Variants in AK5 observed in about 807,000 individuals in gnomAD.
AK5 encodes adenylate kinase isoenzyme 5.
AK5 carries 27 observed loss-of-function variants against 69.5 expected under a neutral mutation model. The observed-to-expected ratio is 0.39, with a 90% CI of 0.29 to 0.54. AK5 has a LOEUF of 0.54. Ranked by LOEUF, AK5 falls within the 20% of genes least tolerant of loss-of-function variation. AK5 has a pLI of 0.71. For missense variants in AK5, 531 were observed against 700.4 expected, an observed-to-expected ratio of 0.76 and a Z score of 2.73; for synonymous variants, 260 against 244.4, an observed-to-expected ratio of 1.06 and a Z score of -0.60.
Position 77,482,992 on chromosome 1 carries a change from TAAAAAAAAAAAAAAAAAAAAAAAAA to T in AK5, c.1060-301_1060-277del, listed in dbSNP as rs56718956. Among the ~76,000 whole-genome samples, 1,789 of 43,904 alleles carry T rather than the reference TAAAAAAAAAAAAAAAAAAAAAAAAA, an allele frequency of 0.041. 284 individuals carry two copies. In the East Asian group the frequency reaches 0.46, roughly 11 times the overall value. The allele number at this position is 43,904 out of a possible 152,430, so 28.8% of individuals were successfully genotyped here. A position where few individuals can be genotyped will look rare whatever the true frequency, so the allele number is the denominator to read the frequency against. On this transcript the variant is annotated intron_variant, in intron 8 of 13. Coordinates refer to ENST00000354567, the MANE Select transcript of AK5 (RefSeq NM_174858.3). Reference sequence around the variant, plus strand: ...CTGTCCACAGATAGTTTTTGCACTTTAAAAAAAAAAAAAAAAAAAAAAAAAAAAAAAAAAAAAAAAAAAAAAAAGA... The same window carrying T: ...CTGTCCACAGATAGTTTTTGCACTTTAAAAAAAAAAAAAAAAAAAAAAAGA...
chr1:77,309,130 G>A (rs768418558), intron 5 of AK5, among the ~76,000 whole-genome samples: 2 of 151,886 alleles, frequency 1.3e-5, no homozygotes, highest in African/African-American at 4.8e-5. Flanking sequence ...ATGCATGTGG[G>A]GCTTAATACC....
intron 8 of AK5, among the ~76,000 whole-genome samples, chr1:77,434,675 G>A (rs1302957006): frequency 6.6e-6 from 1 of 152,104 alleles, no homozygotes; most frequent in African/African-American, 2.4e-5. Context: ...GTGAAGCACA[G>A]GAACTTACAA....
intron 2 of AK5, among the ~76,000 whole-genome samples, chr1:77,291,128 A>G (rs1658662945): frequency 6.6e-6 from 1 of 152,192 alleles, no homozygotes; most frequent in African/African-American, 2.4e-5. Context: ...AAGAGGCTGT[A>G]ATTTGGTCAG....
intron 6 of AK5, among the ~76,000 whole-genome samples, chr1:77,391,775 T>G (rs1648506497): frequency 6.6e-6 from 1 of 152,060 alleles, no homozygotes; most frequent in African/African-American, 2.4e-5. Flanking sequence ...GAGATGGATG[T>G]TTTCCAGAGC....
chr1:77,461,909 AT>A (rs942347386), intron 8 of AK5, among the ~76,000 whole-genome samples: 4 of 152,240 alleles, frequency 2.6e-5, no homozygotes, highest in African/African-American at 7.2e-5. Flanking sequence ...GAGATGATAT[AT>A]TTGTTAATTA....
intron 6 of AK5, among the ~76,000 whole-genome samples, chr1:77,348,509 T>TTA (rs952798398): frequency 4.8e-5 from 7 of 145,286 alleles, no homozygotes; most frequent in African/African-American, 1.9e-4. Flanking sequence ...TAAAGTATAA[T>TTA]AAAAAAAAAA....
At chr1:77,502,604 A>G (rs1436063997) in intron 10 of AK5, among the ~76,000 whole-genome samples, 3 of 152,172 alleles carry the variant, frequency 2.0e-5, no homozygotes, top group Non-Finnish European at 2.9e-5. Context: ...ATCCAGGAAA[A>G]GTGGATTTGG....
chr1:77,535,627 A>G (rs1234750526), intron 12 of AK5, among the ~76,000 whole-genome samples: 3 of 152,154 alleles, frequency 2.0e-5, no homozygotes, highest in Non-Finnish European at 4.4e-5. Context: ...GAGGTGGCCT[A>G]AAAGCTGAGG....
At chr1:77,558,495 T>C (rs963113915) in intron 13 of AK5, 107 bp from the exon 14 acceptor site, 137 of 695,204 alleles carry the variant, frequency 2.0e-4, no homozygotes, top group Non-Finnish European at 3.7e-5. Context: ...GTCTTGTGTT[T>C]TAAAATTTTG....
At chr1:77,437,645 G>A (rs1652034388) in intron 8 of AK5, among the ~76,000 whole-genome samples, 1 of 152,140 alleles carries the variant, frequency 6.6e-6, no homozygotes, top group South Asian at 2.1e-4. Context: ...ATTTTAGATA[G>A]CACCAACTAA....
intron 9 of AK5, among the ~76,000 whole-genome samples, chr1:77,485,384 A>G (rs1223425132): frequency 2.0e-5 from 3 of 152,194 alleles, no homozygotes; most frequent in Non-Finnish European, 4.4e-5. Context: ...GTGAATTCCT[A>G]CAAAATGTGG....
chr1:77,427,909 A>T (rs1024081567), intron 8 of AK5, among the ~76,000 whole-genome samples: 1 of 152,226 alleles, frequency 6.6e-6, no homozygotes, highest in African/African-American at 2.4e-5. Flanking sequence ...GAAGGAATAA[A>T]TAAAAGTGTC....
chr1:77,517,411 G>T (rs1335542303), intron 10 of AK5, among the ~76,000 whole-genome samples: 1 of 152,206 alleles, frequency 6.6e-6, no homozygotes, highest in Admixed American at 6.5e-5. Context: ...CAGAGCCCAG[G>T]CTTCAAATCC....
intron 13 of AK5, 124 bp from the exon 14 acceptor site, chr1:77,558,478 G>GGC (rs370004356): frequency 6.6e-5 from 31 of 467,230 alleles, no homozygotes; most frequent in Admixed American, 5.1e-4. Context: ...TCTGTGTTTT[G>GGC]GGGGGGGTCT....
intron 2 of AK5, 137 bp from the exon 3 acceptor site, chr1:77,293,656 C>T: frequency 1.4e-6 from 1 of 704,276 alleles, no homozygotes; most frequent in Non-Finnish European, 2.3e-6. Flanking sequence ...GCCTGCTGAC[C>T]ACTTAGGGAG....
Position 77,297,606 on chromosome 1 carries a change from C to T in AK5, c.463C>T (p.Arg155Ter), listed in dbSNP as rs769178688. 4 of 1,613,022 alleles carry T rather than the reference C, an allele frequency of 2.5e-6. No homozygotes were observed. Among genetic ancestry groups the T allele is most frequent in the South Asian group, 1.1e-5 (1 of 90,800 alleles). The change falls in exon 4 of 14, where the codon CGA becomes TGA. Residue 155 changes from arginine (R) to a stop codon, truncating the protein, a stop_gained. Coordinates refer to ENST00000354567, the MANE Select transcript of AK5 (RefSeq NM_174858.3). LOFTEE classifies it high-confidence loss of function. ...KGTQSLKIAE[R>*]YGFQYISVGE... The stretch of plus-strand genomic sequence containing the variant: ...TACTCAGAGTTTGAAAATTGCAGAA[C>T]GATATGGATTCCAATACATTTCTGT...
chr1:77,505,000 T>C (rs1656945576), intron 10 of AK5, among the ~76,000 whole-genome samples: 1 of 152,256 alleles, frequency 6.6e-6, no homozygotes, highest in Non-Finnish European at 1.5e-5. Flanking sequence ...GATTTTTTTC[T>C]CTTACGGTAA....
At chr1:77,483,611 A>G (rs1342906717) in intron 9 of AK5, among the ~76,000 whole-genome samples, 1 of 152,184 alleles carries the variant, frequency 6.6e-6, no homozygotes, top group Non-Finnish European at 1.5e-5. Context: ...CTCAGCGAAA[A>G]GAGGATGCTC....
intron 6 of AK5, among the ~76,000 whole-genome samples, chr1:77,367,466 A>T (rs1646971751): frequency 1.2e-5 from 1 of 85,586 alleles, no homozygotes; most frequent in African/African-American, 4.0e-5. Context: ...AGGCGCATGC[A>T]CCACCACACC....
Sources: allele counts gnomAD v4.1 joint callset (sites outside exome capture counted in the v4.1 genomes callset), GRCh38; gene constraint gnomAD v4.1.1; transcripts MANE v1.5; gene names NCBI Gene and HGNC (gene_info 2026-07-23, HGNC 2026-07-21).